XRCC4: variants seen among roughly 807,000 people sequenced by gnomAD.
XRCC4 encodes the protein DNA repair protein XRCC4.
A neutral mutation model predicts 39.1 loss-of-function variants in XRCC4; 28 were observed. The ratio of observed to expected loss-of-function variants is 0.72; its 90% CI spans 0.53 to 0.98. The LOEUF is 0.98. Among genes scored for constraint, XRCC4 ranks in the 50% least tolerant of loss-of-function variants. XRCC4 has a pLI of 0.00. For synonymous variants in XRCC4, 123 were observed against 126.4 expected, an observed-to-expected ratio of 0.97 and a Z score of 0.18; for missense variants, 350 against 376.4, an observed-to-expected ratio of 0.93 and a Z score of 0.58.
rs757644947 is a variant in XRCC4 at position 83,111,126 on chromosome 5, C to G, written c.238C>G (p.Pro80Ala). Reference protein sequence around the residue: ...LRKALLSGAGPADVYTFNFSK... With the variant: ...LRKALLSGAGAADVYTFNFSK... Reference sequence around the variant, plus strand: ...AAAAGCATTGTTGTCAGGAGCAGGACCAGCTGATGTATACACGTTTAATTT... The same window carrying G: ...AAAAGCATTGTTGTCAGGAGCAGGAGCAGCTGATGTATACACGTTTAATTT... Residue 80 changes from proline (P) to alanine (A), a missense_variant, in exon 3 of 8, where the codon CCA becomes GCA. Pro to Ala is a conservative substitution (Grantham distance 27, BLOSUM62 -1). Coordinates refer to ENST00000396027, the MANE Select transcript of XRCC4 (RefSeq NM_003401.5). 1.2e-6 allele frequency: 2 copies of G among 1,610,766 alleles called. No homozygotes were observed. The highest frequency in any genetic ancestry group is 2.2e-5 in the East Asian group (1 of 44,560).
At position 83,120,269 on chromosome 5, in the gene XRCC4, T is replaced by C. The variant is rs2112440100; in HGVS notation, c.315+9066T>C. Among the ~76,000 whole-genome samples the C allele has an allele frequency of 2.0e-5, 3 of 152,320 alleles. No homozygotes were observed. In the Middle Eastern group the frequency reaches 0.01, roughly 518 times the overall value. ...AAACAGGTAGTAAGCTAAGCTAGGA[T>C]AGAATTCAGGCCGCTGTTTTATGAA... is the stretch of plus-strand genomic sequence containing the variant. On this transcript the variant is annotated intron_variant, in intron 3 of 7. Transcript: ENST00000396027.
intron 6 of XRCC4, among the ~76,000 whole-genome samples, chr5:83,233,355 C>T (rs961983923): frequency 1.3e-5 from 2 of 152,052 alleles, no homozygotes; most frequent in Non-Finnish European, 2.9e-5. Context: ...GGAAGTGAAT[C>T]CAGAGAGAAA....
At chr5:83,206,582 T>C (rs1469809458) in intron 6 of XRCC4, among the ~76,000 whole-genome samples, 2 of 152,064 alleles carry the variant, frequency 1.3e-5, no homozygotes, top group Non-Finnish European at 2.9e-5. Flanking sequence ...AGACAGGCAA[T>C]ACTTTCAACA....
intron 3 of XRCC4, among the ~76,000 whole-genome samples, chr5:83,161,863 A>G (rs1040618707): frequency 6.6e-6 from 1 of 152,148 alleles, no homozygotes; most frequent in East Asian, 1.9e-4. Flanking sequence ...TGTTATCTCA[A>G]ATTCTGGTTT....
chr5:83,209,057 T>C (rs868543797), intron 6 of XRCC4, among the ~76,000 whole-genome samples: 2 of 150,952 alleles, frequency 1.3e-5, no homozygotes, highest in Non-Finnish European at 1.5e-5. Flanking sequence ...TCCTGCTTAG[T>C]CTGGACTCCT....
At position 83,083,375 on chromosome 5, in the gene XRCC4, ATT is replaced by A. The variant is rs576959639; in HGVS notation, c.-11+5778_-11+5779del. On this transcript the variant is annotated intron_variant, in intron 1 of 7. Coordinates refer to ENST00000396027, the MANE Select transcript of XRCC4 (RefSeq NM_003401.5). ...ACTTGATTGGGTGTTTGAATCTGTAATTTTTTTTTTTTTTTTTTTGAGATGGA... is the reference window on the plus strand; with the variant it reads ...ACTTGATTGGGTGTTTGAATCTGTAATTTTTTTTTTTTTTTTTGAGATGGA... 8.7e-3 allele frequency among the ~76,000 whole-genome samples: 1,109 copies of A among 126,846 alleles called. 16 individuals carry two copies. The highest frequency in any genetic ancestry group is 0.032 in the African/African-American group (1,040 of 32,374). 83.2% of individuals were successfully genotyped at this position (126,846 alleles called of 152,430 possible).
chr5:83,289,009 G>A (rs1201872685), intron 7 of XRCC4, among the ~76,000 whole-genome samples: 1 of 151,260 alleles, frequency 6.6e-6, no homozygotes, highest in East Asian at 1.9e-4. Flanking sequence ...TTGTTGACCT[G>A]TTTTTAAGCT....
chr5:83,247,828 GATTA>G (rs1254149691), intron 6 of XRCC4, among the ~76,000 whole-genome samples: 1 of 152,104 alleles, frequency 6.6e-6, no homozygotes, highest in Non-Finnish European at 1.5e-5. Context: ...AGGTAGTTTT[GATTA>G]ATTATGATTG....
intron 6 of XRCC4, among the ~76,000 whole-genome samples, chr5:83,208,351 A>G (rs1751499173): frequency 6.6e-6 from 1 of 152,024 alleles, no homozygotes; most frequent in Admixed American, 6.6e-5. Context: ...ATTATTCTTT[A>G]ATAATCAAAT....
chr5:83,372,936 GACT>G, the XRCC4 span, among the ~76,000 whole-genome samples: 9 of 152,210 alleles, frequency 5.9e-5, no homozygotes, highest in Non-Finnish European at 1.2e-4. Context: ...TGTTTCTGCA[GACT>G]GCTTGAGTGC....
chr5:83,250,856 A>G (rs28360219), intron 6 of XRCC4, among the ~76,000 whole-genome samples: 2,514 of 152,342 alleles, frequency 0.017, 66 homozygotes, highest in African/African-American at 0.058. Flanking sequence ...ATATTTGACA[A>G]TGGAAAAGAA....
chr5:83,122,015 C>T (rs1014943659), intron 3 of XRCC4, among the ~76,000 whole-genome samples: 2 of 152,140 alleles, frequency 1.3e-5, no homozygotes, highest in South Asian at 2.1e-4. Context: ...GGACTCTATA[C>T]TGCCCCATCA....
chr5:83,312,730 C>T (rs1448582430), intron 7 of XRCC4, among the ~76,000 whole-genome samples: 1 of 151,862 alleles, frequency 6.6e-6, no homozygotes, highest in African/African-American at 2.4e-5. Flanking sequence ...AGCTTATTGG[C>T]AGTATGGAGG....
At chr5:83,220,978 T>A (rs1341926123) in intron 6 of XRCC4, among the ~76,000 whole-genome samples, 1 of 152,196 alleles carries the variant, frequency 6.6e-6, no homozygotes, top group Non-Finnish European at 1.5e-5. Flanking sequence ...GGCATTGGTT[T>A]CCTGATTTTC....
chr5:83,131,004 T>C (rs1747547461), intron 3 of XRCC4, among the ~76,000 whole-genome samples: 1 of 152,170 alleles, frequency 6.6e-6, no homozygotes, highest in Non-Finnish European at 1.5e-5. Context: ...TTTCTTGCCT[T>C]CTGCTAGCTT....
chr5:83,157,351 T>C (rs1370509582), intron 3 of XRCC4, among the ~76,000 whole-genome samples: 1 of 152,098 alleles, frequency 6.6e-6, no homozygotes, highest in African/African-American at 2.4e-5. Flanking sequence ...AGTTACTTCA[T>C]GTGTTTGTTT....
chr5:83,350,848 T>C (rs1414591715), intron 7 of XRCC4, among the ~76,000 whole-genome samples: 1 of 152,172 alleles, frequency 6.6e-6, no homozygotes, highest in Admixed American at 6.5e-5. Context: ...CCAAGGACAG[T>C]GTTGAGAAGG....
intron 6 of XRCC4, among the ~76,000 whole-genome samples, chr5:83,241,327 TTTA>T (rs1175692937): frequency 1.3e-5 from 2 of 152,066 alleles, no homozygotes; most frequent in East Asian, 3.8e-4. Context: ...AGTTAATGCA[TTTA>T]TTAACTAATT....
chr5:83,114,354 G>A (rs1010442190), intron 3 of XRCC4, among the ~76,000 whole-genome samples: 3 of 151,864 alleles, frequency 2.0e-5, no homozygotes, highest in Admixed American at 6.6e-5. Flanking sequence ...TTATTGCATC[G>A]TCAGGCTGCA....
Sources: allele counts gnomAD v4.1 joint callset (sites outside exome capture counted in the v4.1 genomes callset), GRCh38; gene constraint gnomAD v4.1.1; transcripts MANE v1.5; gene names NCBI Gene and HGNC (gene_info 2026-07-23, HGNC 2026-07-21).